Variants in TACC2 observed in about 807,000 individuals in gnomAD.
TACC2 encodes transforming acidic coiled-coil-containing protein 2.
In TACC2, 137 loss-of-function variants were observed where a neutral mutation model predicts 227.3. That is an observed-to-expected ratio of 0.60 (90% CI 0.52 to 0.69). The LOEUF is 0.69. TACC2 is among the 30% of genes least tolerant of loss of function. The pLI is 0.00. For missense variants in TACC2, 3,470 were observed against 3,694.4 expected, an observed-to-expected ratio of 0.94 and a Z score of 1.57; for synonymous variants, 1,523 against 1,487.5, an observed-to-expected ratio of 1.02 and a Z score of -0.55.
chr10:122,213,383 T>G, intron 9 of TACC2: 16 of 1,612,258 alleles, frequency 9.9e-6, no homozygotes, highest in Non-Finnish European at 1.4e-5. Context: ...CTGTTGTAAG[T>G]AAATTTAATG....
chr10:122,016,169 G>A (rs1023627436), intron 1 of TACC2, among the ~76,000 whole-genome samples: 1 of 150,358 alleles, frequency 6.7e-6, no homozygotes, highest in South Asian at 2.1e-4. Context: ...GGCTGAGATG[G>A]GATGATCGCT....
chr10:122,071,719 CA>C lies in TACC2; in HGVS notation c.147-10911del, dbSNP rs145636754. ...GAAAACCCTGTCTCTACTAAAAATACAAAAAAAAAAAAAAAAAGTGATCTGG... is the reference window on the plus strand; with the variant it reads ...GAAAACCCTGTCTCTACTAAAAATACAAAAAAAAAAAAAAAAGTGATCTGG... On this transcript the variant is annotated intron_variant, in intron 3 of 22. Transcript: ENST00000369005. 3.7e-3 allele frequency among the ~76,000 whole-genome samples: 403 copies of C among 108,592 alleles called. 3 individuals carry two copies. The highest frequency in any genetic ancestry group is 6.0e-3 in the Middle Eastern group (1 of 166). 71.2% of individuals were successfully genotyped at this position (108,592 alleles called of 152,430 possible).
At chr10:122,225,641 T>G (rs1225196320) in intron 12 of TACC2, among the ~76,000 whole-genome samples, 3 of 152,232 alleles carry the variant, frequency 2.0e-5, no homozygotes, top group African/African-American at 7.2e-5. Flanking sequence ...GAAGGGGAAC[T>G]GTCGTGTGTT....
chr10:122,122,211 C>T (rs1462618090), intron 5 of TACC2, among the ~76,000 whole-genome samples: 7 of 152,118 alleles, frequency 4.6e-5, no homozygotes, highest in South Asian at 4.2e-4. Context: ...AAAAATTAGC[C>T]GGGTGTGGTG....
At chr10:122,008,246 G>GTTATTATTATTATTA (rs1554958021) in intron 1 of TACC2, among the ~76,000 whole-genome samples, 11 of 111,886 alleles carry the variant, frequency 9.8e-5, no homozygotes, top group South Asian at 4.0e-4. Context: ...CTATCCCTTT[G>GTTATTATTATTATTA]TTATTATTAT....
At chr10:122,235,473 A>G (rs571575756) in intron 16 of TACC2, among the ~76,000 whole-genome samples, 158 of 152,246 alleles carry the variant, frequency 1.0e-3, no homozygotes, top group Non-Finnish European at 1.8e-3. Context: ...GCCTCAAGGG[A>G]TCCTCCCACC....
intron 5 of TACC2, among the ~76,000 whole-genome samples, chr10:122,107,643 T>C (rs992762148): frequency 4.0e-5 from 6 of 151,498 alleles, no homozygotes; most frequent in Middle Eastern, 3.4e-3. Flanking sequence ...ATTTAAAATA[T>C]GCTTGCTAGA....
intron 3 of TACC2, among the ~76,000 whole-genome samples, chr10:122,058,985 C>T (rs1322926295): frequency 2.0e-5 from 3 of 151,240 alleles, no homozygotes; most frequent in East Asian, 2.0e-4. Flanking sequence ...CTCCACCTCC[C>T]GGGTTCAAGC....
At chr10:122,121,312 G>A (rs1360562993) in intron 5 of TACC2, among the ~76,000 whole-genome samples, 3 of 152,170 alleles carry the variant, frequency 2.0e-5, no homozygotes, top group Non-Finnish European at 2.9e-5. Flanking sequence ...AGAAACATTC[G>A]CATGACTGGT....
chr10:122,137,110 C>T (rs920036655), intron 6 of TACC2, among the ~76,000 whole-genome samples: 1 of 151,920 alleles, frequency 6.6e-6, no homozygotes, highest in African/African-American at 2.4e-5. Flanking sequence ...ATTGTTAATG[C>T]CACTGGAGGG....
rs552368812 is a variant in TACC2, at chr10:122,028,473, T to C, written c.33+6459T>C. On this transcript the variant is annotated intron_variant, in intron 2 of 22. Coordinates refer to ENST00000369005, the MANE Select transcript of TACC2 (RefSeq NM_206862.4). ...TTATGATGTTTATACCTAAGTATTA[T>C]GTTTTCTTTGGAGTGACCGTAAATG... Among the ~76,000 whole-genome samples, 74 of 152,308 alleles carry C rather than the reference T, an allele frequency of 4.9e-4. 1 individual carries two copies. The highest frequency in any genetic ancestry group is 1.8e-3 in the African/African-American group (73 of 41,570).
chr10:122,205,122 G>A lies in TACC2; in HGVS notation c.5972-5275G>A, dbSNP rs1301849157. 2.0e-5 allele frequency among the ~76,000 whole-genome samples: 3 copies of A among 152,254 alleles called. No homozygotes were observed. Among genetic ancestry groups the A allele is most frequent in the East Asian group, 1.9e-4 (1 of 5,202 alleles). On this transcript the variant is annotated intron_variant, in intron 8 of 22. Coordinates refer to ENST00000369005, the MANE Select transcript of TACC2 (RefSeq NM_206862.4). This position sits in a 1 kb window ranked among gnomAD's most constrained non-coding sequence, Gnocchi z 4.5. ...ATCACTAAGTGAGTTAGCACGGTCA[G>A]TAACTGTCCCCACAGTGCCTCGACG...
At chr10:122,199,073 G>T (rs562774861) in intron 8 of TACC2, among the ~76,000 whole-genome samples, 2 of 152,348 alleles carry the variant, frequency 1.3e-5, no homozygotes, top group South Asian at 4.1e-4. Flanking sequence ...CTAGGAGATT[G>T]CCAAGCCCAG....
intron 19 of TACC2, 41 bp from the exon 20 acceptor site, chr10:122,248,602 T>A: frequency 1.2e-6 from 2 of 1,611,128 alleles, no homozygotes; most frequent in Non-Finnish European, 1.7e-6. Context: ...CAGTTTGGAC[T>A]TTCTGGGCTC....
At chr10:122,154,553 G>T (rs912302622) in intron 7 of TACC2, among the ~76,000 whole-genome samples, 1 of 152,212 alleles carries the variant, frequency 6.6e-6, no homozygotes, top group African/African-American at 2.4e-5. Flanking sequence ...CTTAAGCTCA[G>T]CAAAGATGAA....
rs767078887 is a variant in TACC2 at position 122,083,139 on chromosome 10, G to T, written c.639G>T (p.Leu213=). ...VPLREPMKAP[L]CGEGDQPGGF... Reference sequence around the variant, plus strand: ...TCAGAGAGCCAATGAAGGCACCGCTGTGTGGAGAGGGGGACCAGCCTGGTG... The same window carrying T: ...TCAGAGAGCCAATGAAGGCACCGCTTTGTGGAGAGGGGGACCAGCCTGGTG... The change falls in exon 4 of 23, where the codon CTG becomes CTT. Residue 213 remains leucine, a synonymous_variant. Coordinates refer to ENST00000369005, the MANE Select transcript of TACC2 (RefSeq NM_206862.4). 92 of 1,613,070 alleles carry T rather than the reference G, an allele frequency of 5.7e-5. No homozygotes were observed. Among genetic ancestry groups the T allele is most frequent in the Middle Eastern group, 1.6e-4 (1 of 6,082 alleles).
chr10:122,080,244 T>TTC (rs1317899243), intron 3 of TACC2, among the ~76,000 whole-genome samples: 1 of 150,662 alleles, frequency 6.6e-6, no homozygotes, highest in Non-Finnish European at 1.5e-5. Flanking sequence ...TTGTGTTTTT[T>TTC]TGTTTTGAGA....
In TACC2 at chr10:122,194,131, C is replaced by T. The variant is rs1400566346; in HGVS notation, c.5835-909C>T. The stretch of plus-strand genomic sequence containing the variant: ...TAGAAATAGGGCCTCACTGTGTTGC[C>T]CAGGCTGGTCTCAAATGCCTGACAT... On this transcript the variant is annotated intron_variant, in intron 7 of 22. Coordinates refer to ENST00000369005, the MANE Select transcript of TACC2 (RefSeq NM_206862.4). This position sits in a 1 kb window ranked among gnomAD's most constrained non-coding sequence, Gnocchi z 4.4. Among the ~76,000 whole-genome samples, 1 of 152,082 alleles carries T rather than the reference C, an allele frequency of 6.6e-6. No individual in the cohort carries two copies. Among genetic ancestry groups the T allele is most frequent in the Non-Finnish European group, 1.5e-5 (1 of 68,012 alleles).
intron 19 of TACC2, 93 bp downstream of exon 19, chr10:122,242,094 T>A: frequency 8.5e-7 from 1 of 1,177,358 alleles, no homozygotes; most frequent in Non-Finnish European, 1.3e-6. Flanking sequence ...AGTGGGTTTC[T>A]GGTAGAGCGT....
Sources: allele counts gnomAD v4.1 joint callset (sites outside exome capture counted in the v4.1 genomes callset), GRCh38; gene constraint gnomAD v4.1.1; non-coding constraint Gnocchi (gnomAD v3.1); transcripts MANE v1.5; gene names NCBI Gene and HGNC (gene_info 2026-07-23, HGNC 2026-07-21).